Variants in AKR1B1 observed in about 807,000 individuals in gnomAD.
The protein encoded by AKR1B1 is aldo-keto reductase family 1 member B.
AKR1B1 carries 22 observed loss-of-function variants against 40.4 expected under a neutral mutation model. The ratio of observed to expected loss-of-function variants is 0.54; its 90% CI spans 0.39 to 0.78. The LOEUF (loss-of-function observed/expected upper bound fraction) is 0.78. AKR1B1 is among the 30% of genes least tolerant of loss of function. The pLI, the probability that AKR1B1 is intolerant of heterozygous loss-of-function variation, is 0.00. For synonymous variants in AKR1B1, 157 were observed against 149.9 expected (o/e 1.05, Z -0.35); for missense variants, 357 against 396.7 (o/e 0.90, Z 0.85).
chr7:134,457,499 C>A (rs889215208), intron 1 of AKR1B1, among the ~76,000 whole-genome samples: 2 of 152,120 alleles, frequency 1.3e-5, no homozygotes, highest in African/African-American at 4.8e-5. Context: ...AATCACGTAC[C>A]CTGATCATTC....
chr7:134,448,093 A>G (rs764694154), intron 6 of AKR1B1, 32 bp from the exon 7 acceptor site: 75 of 1,566,080 alleles, frequency 4.8e-5, no homozygotes, highest in Non-Finnish European at 6.0e-5. Context: ...AGGTCACACC[A>G]TCATGGCCAC....
chr7:134,451,568 C>T lies in AKR1B1; in HGVS notation c.234+18G>A. 2.5e-6 allele frequency: 4 copies of T among 1,613,114 alleles called. 1 individual carries two copies. Among genetic ancestry groups the T allele is most frequent in the Non-Finnish European group, 3.4e-6 (4 of 1,179,970 alleles). On this transcript the variant is annotated intron_variant, in intron 2 of 9. Transcript: ENST00000285930. ...GATGGGACCGAGAGCCCCTTCCAGCCCCACCGCGGAACGATACCTTGCTGA... is the reference window on the plus strand; with the variant it reads ...GATGGGACCGAGAGCCCCTTCCAGCTCCACCGCGGAACGATACCTTGCTGA...
At chr7:134,457,127 C>A (rs1806494536) in intron 1 of AKR1B1, among the ~76,000 whole-genome samples, 2 of 143,704 alleles carry the variant, frequency 1.4e-5, no homozygotes, top group Non-Finnish European at 1.6e-5. Flanking sequence ...GACACTGAGC[C>A]CCTGTCTCAA....
chr7:134,455,730 C>T (rs1372516482), intron 1 of AKR1B1, among the ~76,000 whole-genome samples: 1 of 150,384 alleles, frequency 6.6e-6, no homozygotes, highest in African/African-American at 2.5e-5. Context: ...ATTACAGGCA[C>T]CCACCACCAT....
chr7:134,442,558 A>T lies in AKR1B1; in HGVS notation c.*170T>A. ...GCAAACTGGAAGAGACTTCTACTCT[A>T]CTGACAGGGCTCTTGAGATCCAACA... On this transcript the variant is annotated 3_prime_UTR_variant, in exon 10 of 10. Coordinates refer to ENST00000285930, the MANE Select transcript of AKR1B1 (RefSeq NM_001628.4). 1 of 622,068 alleles carries T rather than the reference A, an allele frequency of 1.6e-6. No individual in the cohort carries two copies. Among genetic ancestry groups the T allele is most frequent in the South Asian group, 1.9e-5 (1 of 51,504 alleles). The allele number at this position is 622,068 out of a possible 1,614,324, so 38.5% of individuals were successfully genotyped here. A position where few individuals can be genotyped will look rare whatever the true frequency, so the allele number is the denominator to read the frequency against.
At chr7:134,451,905 T>G in intron 1 of AKR1B1, 152 bp from the exon 2 acceptor site, 1 of 809,316 alleles carries the variant, frequency 1.2e-6, no homozygotes, top group Non-Finnish European at 2.1e-6. Context: ...TTCTGGACTA[T>G]CAGCCTCAGA....
In AKR1B1 at chr7:134,451,611, C is replaced by T. The variant is rs756570400; in HGVS notation, c.209G>A (p.Arg70His). Residue 70 changes from arginine to histidine, a missense_variant, in exon 2 of 10, where the codon CGT (arginine) becomes CAT (histidine). Arg to His is a conservative substitution (Grantham distance 29). Coordinates refer to ENST00000285930, the MANE Select transcript of AKR1B1 (RefSeq NM_001628.4). ...QEKLREQVVK[R>H]EELFIVSKLW... ...CTTGCTGACGATGAAGAGCTCCTCA[C>T]GCTTCACCACCTGCTCCCTGAGCTT... The T allele has an allele frequency of 1.1e-5, 18 of 1,614,016 alleles. No homozygotes were observed. The highest frequency in any genetic ancestry group is 6.7e-5 in the Admixed American group (4 of 60,004).
At chr7:134,447,653 A>T in intron 7 of AKR1B1, 1 of 617,526 alleles carries the variant, frequency 1.6e-6, no homozygotes, top group Non-Finnish European at 2.9e-6. Flanking sequence ...CTGGCTAGAA[A>T]TGCACACTAC....
At chr7:134,446,256 T>C (rs879406481) in intron 8 of AKR1B1, among the ~76,000 whole-genome samples, 9 of 152,220 alleles carry the variant, frequency 5.9e-5, no homozygotes, top group Non-Finnish European at 1.3e-4. Context: ...CTTGTGTACT[T>C]AGAACATCTA....
At position 134,446,939 on chromosome 7, in the gene AKR1B1, G is replaced by A. The variant is rs754511411; in HGVS notation, c.825+359C>T. The stretch of plus-strand genomic sequence containing the variant: ...AAGCTGAGGCATCGAGCAGTTAAGC[G>A]ACTTGCCCAGGGTTATGCAGCTGGT... On this transcript the variant is annotated intron_variant, in intron 8 of 9. Transcript: ENST00000285930. 3.3e-5 allele frequency among the ~76,000 whole-genome samples: 5 copies of A among 152,184 alleles called. 1 individual carries two copies. Among genetic ancestry groups the A allele is most frequent in the Non-Finnish European group, 7.3e-5 (5 of 68,030 alleles).
chr7:134,442,645 A>G lies in AKR1B1; in HGVS notation c.*83T>C, dbSNP rs1803095. 7.1e-7 allele frequency: 1 copy of G among 1,414,744 alleles called. No individual in the cohort carries two copies. The highest frequency in any genetic ancestry group is 1.0e-6 in the Non-Finnish European group (1 of 1,004,202). 87.6% of individuals were successfully genotyped at this position (1,414,744 alleles called of 1,614,324 possible). A position where few individuals can be genotyped will look rare whatever the true frequency, so the allele number is the denominator to read the frequency against. On this transcript the variant is annotated 3_prime_UTR_variant, in exon 10 of 10. Transcript: ENST00000285930. ...TTGCTGTCCCACTGCTGAGTGACACAGGCCATACTACATTTGCAAGGAAAA... is the reference window on the plus strand; with the variant it reads ...TTGCTGTCCCACTGCTGAGTGACACGGGCCATACTACATTTGCAAGGAAAA...
chr7:134,447,663 C>T, intron 7 of AKR1B1: 1 of 613,452 alleles, frequency 1.6e-6, no homozygotes, highest in South Asian at 1.9e-5. Context: ...ATGCACACTA[C>T]CACTCAGGAG....
chr7:134,445,812 A>G (rs1806075744), intron 8 of AKR1B1, among the ~76,000 whole-genome samples: 1 of 152,274 alleles, frequency 6.6e-6, no homozygotes, highest in South Asian at 2.1e-4. Context: ...GGTATTTGAC[A>G]TGGCCTAAGA....
At chr7:134,446,932 G>C (rs1208353469) in intron 8 of AKR1B1, among the ~76,000 whole-genome samples, 1 of 152,246 alleles carries the variant, frequency 6.6e-6, no homozygotes, top group Non-Finnish European at 1.5e-5. Context: ...GCATCGAGCA[G>C]TTAAGCGACT....
chr7:134,449,810 T>C lies in AKR1B1; in HGVS notation c.352-13A>G, dbSNP rs762150909. On this transcript the variant is annotated splice_polypyrimidine_tract_variant and intron_variant, in intron 3 of 9. Coordinates refer to ENST00000285930, the MANE Select transcript of AKR1B1 (RefSeq NM_001628.4). The stretch of plus-strand genomic sequence containing the variant: ...ATTCCTTCCCAGGCTGTCATTACAA[T>C]AAAAAACAAACAAACAAAACAATCA... 1 of 1,611,002 alleles carries C rather than the reference T, an allele frequency of 6.2e-7. No individual in the cohort carries two copies.
chr7:134,450,920 C>T lies in AKR1B1; in HGVS notation c.235-18G>A, dbSNP rs2117457080. 4 of 1,599,910 alleles carry T rather than the reference C, an allele frequency of 2.5e-6. No individual in the cohort carries two copies. The highest frequency in any genetic ancestry group is 3.4e-6 in the Non-Finnish European group (4 of 1,167,232). On this transcript the variant is annotated intron_variant, in intron 2 of 9. Coordinates refer to ENST00000285930, the MANE Select transcript of AKR1B1 (RefSeq NM_001628.4). The stretch of plus-strand genomic sequence containing the variant: ...CACCACAGCTAAGCCAGCGAGAGGG[C>T]ACATGTCATCATTGCCAGCCACAAG...
intron 8 of AKR1B1, 150 bp downstream of exon 8, chr7:134,447,148 T>C (rs1465378142): frequency 1.3e-6 from 1 of 754,406 alleles, no homozygotes; most frequent in Non-Finnish European, 2.3e-6. Flanking sequence ...GAGGTGTCAG[T>C]CTCAGTCTTG....
rs549642153 is a variant in AKR1B1, at chr7:134,459,090, C to T, written c.-28G>A. The T allele has an allele frequency of 3.0e-5, 48 of 1,591,462 alleles. No individual in the cohort carries two copies. In the South Asian group the frequency reaches 5.4e-4, roughly 18 times the overall value. On this transcript the variant is annotated 5_prime_UTR_variant, in exon 1 of 10. Transcript: ENST00000285930. ...CTGCTGCGCTCCCCAGACCCCCGCC[C>T]AGTACGGTGCGGCCTTGGCCGCGGC...
intron 1 of AKR1B1, 56 bp from the exon 2 acceptor site, chr7:134,451,809 G>A: frequency 1.3e-6 from 2 of 1,585,812 alleles, no homozygotes. Flanking sequence ...CAGCAAGGAG[G>A]AGGGGCAGTG....
Sources: gnomAD v4.1 joint callset for allele counts (sites outside exome capture counted in the v4.1 genomes callset) on GRCh38, gnomAD v4.1.1 for gene constraint, MANE v1.5 for transcripts, NCBI Gene and HGNC (gene_info 2026-07-23, HGNC 2026-07-21) for gene names.